Variants in MUC5B observed in about 807,000 individuals in gnomAD.
MUC5B encodes mucin 5B, oligomeric mucus/gel-forming.
Under a neutral mutation model 376.9 loss-of-function variants are expected in MUC5B, and 116 were observed. The observed-to-expected ratio is 0.31, with a 90% CI of 0.26 to 0.36. MUC5B has a LOEUF of 0.36. Among genes scored for constraint, MUC5B ranks in the 10% least tolerant of loss-of-function variants. MUC5B has a pLI of 1.00. For missense variants in MUC5B, 7,165 were observed against 7,769.9 expected (o/e 0.92, Z 2.93); for synonymous variants, 3,517 against 3,390.9 (o/e 1.04, Z -1.29).
At position 1,240,828 on chromosome 11, in the gene MUC5B, CCCCTTT is replaced by C. The variant is rs1451109357; in HGVS notation, c.3971-19_3971-14del. The C allele has an allele frequency of 3.2e-6, 5 of 1,584,290 alleles. No homozygotes were observed. In the South Asian group the frequency reaches 4.6e-5, roughly 15 times the overall value. On this transcript the variant is annotated splice_polypyrimidine_tract_variant and intron_variant, in intron 30 of 48. Coordinates refer to ENST00000529681, the MANE Select transcript of MUC5B (RefSeq NM_002458.3). ...AGGACTGGAGGATGCTGAGCCAGGA[CCCCTTT>C]CCCATGCCCCTTGCAGGCCCGGCCC... is the stretch of plus-strand genomic sequence containing the variant.
intron 2 of MUC5B, 46 bp downstream of exon 2, chr11:1,225,783 G>A (rs1438632318): frequency 5.1e-6 from 8 of 1,565,916 alleles, no homozygotes; most frequent in Non-Finnish European, 6.9e-6. Flanking sequence ...CCAGGCTGGA[G>A]GGGCTGGAAT....
chr11:1,236,699 T>G, intron 24 of MUC5B, 137 bp downstream of exon 24: 1 of 1,123,258 alleles, frequency 8.9e-7, no homozygotes, highest in Non-Finnish European at 1.2e-6. Context: ...GCCTGTGGCC[T>G]CCACAGTGGG....
At chr11:1,236,365 C>A in intron 23 of MUC5B, 21 bp from the exon 24 acceptor site, 1 of 1,590,022 alleles carries the variant, frequency 6.3e-7, no homozygotes, top group Non-Finnish European at 8.6e-7. Context: ...CGGCTTCCGG[C>A]AGCGTCTGCC....
At chr11:1,251,809 G>A in intron 31 of MUC5B, 66 bp downstream of exon 31, 2 of 1,187,130 alleles carry the variant, frequency 1.7e-6, no homozygotes, top group South Asian at 1.4e-5. Flanking sequence ...GGGTCTGCCT[G>A]TCCTGGGAGC....
At position 1,257,371 on chromosome 11, in the gene MUC5B, C is replaced by T. The variant is rs1472043341; in HGVS notation, c.16269+100C>T. 12 of 912,894 alleles carry T rather than the reference C, an allele frequency of 1.3e-5. No homozygotes were observed. Among genetic ancestry groups the T allele is most frequent in the South Asian group, 2.7e-5 (2 of 74,696 alleles). 56.5% of individuals were successfully genotyped at this position (912,894 alleles called of 1,614,324 possible). A position where few individuals can be genotyped will look rare whatever the true frequency, so the allele number is the denominator to read the frequency against. ...TCCCACAGGGCAGCTGTGGGGCGCC[C>T]GAGTGTGACGTGGACGTGCCAGTGG... On this transcript the variant is annotated intron_variant, in intron 40 of 48. Coordinates refer to ENST00000529681, the MANE Select transcript of MUC5B (RefSeq NM_002458.3). The surrounding 1 kb of genome is among the most constrained non-coding windows in gnomAD (Gnocchi z 8.9).
chr11:1,229,978 G>C, intron 10 of MUC5B, 27 bp from the exon 11 acceptor site: 8 of 1,573,836 alleles, frequency 5.1e-6, no homozygotes, highest in Non-Finnish European at 6.9e-6. Flanking sequence ...CCGACATGCC[G>C]GTTCTGCTCA....
Position 1,246,734 on chromosome 11 carries a change from C to G in MUC5B, c.9854C>G (p.Thr3285Ser). 6.2e-7 allele frequency: 1 copy of G among 1,609,262 alleles called. No individual in the cohort carries two copies. The highest frequency in any genetic ancestry group is 8.5e-7 in the Non-Finnish European group (1 of 1,176,824). ...HTSTVLTTTT[T>S]TTRATGSVAT... ...TCCACAGTGCTTACCACCACGACCA[C>G]CACAACCAGGGCCACCGGCTCTGTG... The change falls in exon 31 of 49, where the codon ACC (threonine) becomes AGC (serine). Residue 3285 changes from threonine (T) to serine (S), a missense_variant. Thr to Ser is a moderately conservative substitution (Grantham distance 58, BLOSUM62 1). Around this residue, in one of 31 missense-constraint regions of MUC5B, gnomAD observed 939 missense variants for 770.6 expected, o/e 1.22. Coordinates refer to ENST00000529681, the MANE Select transcript of MUC5B (RefSeq NM_002458.3).
At chr11:1,229,125 G>A (rs1861963369) in intron 8 of MUC5B, 45 bp from the exon 9 acceptor site, 1 of 1,530,020 alleles carries the variant, frequency 6.5e-7, no homozygotes, top group Admixed American at 1.9e-5. Flanking sequence ...CACACGGGCA[G>A]TACAGGGCCC....
chr11:1,257,633 C>G lies in MUC5B; in HGVS notation c.16373C>G (p.Pro5458Arg), dbSNP rs760538782. Residue 5458 changes from proline to arginine, a missense_variant, in exon 41 of 49, where the codon CCG becomes CGG. Pro to Arg is a moderately radical substitution (Grantham distance 103, BLOSUM62 -2). Transcript: ENST00000529681. The surrounding 1 kb of genome is among the most constrained non-coding windows in gnomAD (Gnocchi z 8.9). ...PLPCDAQGQP[P>R]PCNRPGFVTV... ...CCCTGTGACGCCCAGGGTCAGCCCC[C>G]GCCGTGCAACCGTCCCGGCTTCGTA... The G allele has an allele frequency of 1.4e-5, 23 of 1,599,718 alleles. No homozygotes were observed. Among genetic ancestry groups the G allele is most frequent in the Middle Eastern group, 1.6e-4 (1 of 6,078 alleles).
chr11:1,237,695 C>A (rs1202996464), intron 25 of MUC5B, among the ~76,000 whole-genome samples: 1 of 152,132 alleles, frequency 6.6e-6, no homozygotes, highest in African/African-American at 2.4e-5. Flanking sequence ...CATGGCGAAA[C>A]CCCGTCTCTA....
At position 1,241,819 on chromosome 11, in the gene MUC5B, A is replaced by G; in HGVS notation, c.4939A>G (p.Thr1647Ala). The G allele has an allele frequency of 6.2e-7, 1 of 1,613,152 alleles. No individual in the cohort carries two copies. The highest frequency in any genetic ancestry group is 8.5e-7 in the Non-Finnish European group (1 of 1,179,590). ...GCTGACCAGGGCTCCCCCGGCCAGC[A>G]CCACAGCAGTCCCCACCCTCTCAGA... ...PGLTRAPPAS[T>A]TAVPTLSEGL... The change falls in exon 31 of 49, where the codon ACC becomes GCC. Residue 1647 changes from threonine to alanine, a missense_variant. This residue lies in a region of MUC5B where 897 missense variants were observed against 779.6 expected (regional missense o/e 1.15). Coordinates refer to ENST00000529681, the MANE Select transcript of MUC5B (RefSeq NM_002458.3).
chr11:1,257,897 G>A lies in MUC5B; in HGVS notation c.16450+187G>A, dbSNP rs1365554445. Among the ~76,000 whole-genome samples the A allele has an allele frequency of 6.6e-6, 1 of 152,208 alleles. No individual in the cohort carries two copies. Among genetic ancestry groups the A allele is most frequent in the African/African-American group, 2.4e-5 (1 of 41,460 alleles). The stretch of plus-strand genomic sequence containing the variant: ...CATTCTCCTCCTAACGATGAGGCTG[G>A]TGACCTCTGGCCTGCCCAGGAGTGG... On this transcript the variant is annotated intron_variant, in intron 41 of 48. Coordinates refer to ENST00000529681, the MANE Select transcript of MUC5B (RefSeq NM_002458.3). The surrounding 1 kb of genome is among the most constrained non-coding windows in gnomAD (Gnocchi z 8.9).
chr11:1,228,170 C>A (rs1861931893), intron 7 of MUC5B, among the ~76,000 whole-genome samples: 1 of 152,194 alleles, frequency 6.6e-6, no homozygotes, highest in Non-Finnish European at 1.5e-5. Context: ...GCATGAGCCC[C>A]CCTGTGAGCT....
Position 1,249,109 on chromosome 11 carries a change from G to A in MUC5B, c.12229G>A (p.Glu4077Lys), listed in dbSNP as rs756147882. Residue 4077 changes from glutamate (E) to lysine (K), a missense_variant, in exon 31 of 49, where the codon GAG becomes AAG. Coordinates refer to ENST00000529681, the MANE Select transcript of MUC5B (RefSeq NM_002458.3). ...SSPHPSSRTTESPPSPGTTTP... is the reference protein window; with the variant it reads ...SSPHPSSRTTKSPPSPGTTTP... ...CCCTCACCCTAGCAGCAGGACCACC[G>A]AGTCACCCCCTTCCCCAGGGACGAC... 20 of 1,609,968 alleles carry A rather than the reference G, an allele frequency of 1.2e-5. No homozygotes were observed. Among genetic ancestry groups the A allele is most frequent in the South Asian group, 4.4e-5 (4 of 90,848 alleles).
At position 1,243,038 on chromosome 11, in the gene MUC5B, C is replaced by A. The variant is rs569886114; in HGVS notation, c.6158C>A (p.Thr2053Asn). ...ACAGCTCACACTACCAAAGTGCCAA[C>A]TACCACAACCACGGGCTTCACAGCC... ...PGTAHTTKVP[T>N]TTTTGFTATP... Residue 2053 changes from threonine (T) to asparagine (N), a missense_variant, in exon 31 of 49, where the codon ACT becomes AAT. Thr to Asn is a moderately conservative substitution (Grantham distance 65). Transcript: ENST00000529681. The A allele has an allele frequency of 6.3e-7, 1 of 1,590,898 alleles. No individual in the cohort carries two copies. Among genetic ancestry groups the A allele is most frequent in the Non-Finnish European group, 8.6e-7 (1 of 1,162,260 alleles).
chr11:1,259,728 G>C (rs1240992821), intron 44 of MUC5B, 28 bp from the exon 45 acceptor site: 2 of 1,610,278 alleles, frequency 1.2e-6, no homozygotes, highest in African/African-American at 2.7e-5. Context: ...GAGAGGGTTA[G>C]GGCCTGACGC....
intron 14 of MUC5B, 24 bp downstream of exon 14, chr11:1,231,584 G>C (rs752836629): frequency 6.4e-6 from 10 of 1,551,910 alleles, no homozygotes; most frequent in African/African-American, 4.1e-5. Flanking sequence ...GGGGCCTTCG[G>C]GGACAGGGCC....
At position 1,243,808 on chromosome 11, in the gene MUC5B, G is replaced by C. The variant is rs1195402830; in HGVS notation, c.6928G>C (p.Val2310Leu). 3.1e-6 allele frequency: 5 copies of C among 1,611,518 alleles called. No individual in the cohort carries two copies. The highest frequency in any genetic ancestry group is 3.3e-5 in the Admixed American group (2 of 59,990). The change falls in exon 31 of 49, where the codon GTG becomes CTG. Residue 2310 changes from valine to leucine, a missense_variant. Transcript: ENST00000529681. ...SPTSAPITTV[V>L]TMGCEPQCAW... is the part of the protein sequence containing the mutation. ...CACATCGGCCCCCATAACCACGGTG[G>C]TGACCATGGGCTGTGAGCCCCAGTG...
chr11:1,229,558 G>A, intron 9 of MUC5B, 132 bp from the exon 10 acceptor site: 1 of 869,502 alleles, frequency 1.2e-6, no homozygotes, highest in Non-Finnish European at 1.8e-6. Flanking sequence ...AGCGAGTGCA[G>A]CTCAGGGCGG....
Sources: gnomAD v4.1 joint callset for allele counts (sites outside exome capture counted in the v4.1 genomes callset) on GRCh38, gnomAD v4.1.1 for gene constraint, gnomAD v4.1.1 regional missense constraint, Gnocchi (gnomAD v3.1) non-coding constraint, MANE v1.5 for transcripts, NCBI Gene and HGNC (gene_info 2026-07-23, HGNC 2026-07-21) for gene names.